Variants in SUGP1 observed in about 807,000 individuals in gnomAD.
SUGP1 encodes SURP and G-patch domain containing 1.
A neutral mutation model predicts 76.5 loss-of-function variants in SUGP1; 34 were observed. The ratio of observed to expected loss-of-function variants is 0.44; its 90% CI spans 0.34 to 0.59. The LOEUF is 0.59. Among genes scored for constraint, SUGP1 ranks in the 20% least tolerant of loss-of-function variants. The pLI is 0.01. For missense variants in SUGP1, 752 were observed against 851.7 expected (o/e 0.88, Z 1.46); for synonymous variants, 326 against 326.2 (o/e 1.00, Z 0.01).
At chr19:19,296,685 G>T (rs2061228428) in intron 8 of SUGP1, among the ~76,000 whole-genome samples, 1 of 151,738 alleles carries the variant, frequency 6.6e-6, no homozygotes, top group African/African-American at 2.4e-5. Context: ...AAAAAAGGCA[G>T]AATTGCAATA....
intron 7 of SUGP1, among the ~76,000 whole-genome samples, chr19:19,300,035 C>G (rs2146612454): frequency 6.6e-6 from 1 of 152,174 alleles, no homozygotes. Flanking sequence ...GCCTCGGCCT[C>G]CCAAAGTGCT....
intron 6 of SUGP1, among the ~76,000 whole-genome samples, chr19:19,303,050 C>T (rs2061284071): frequency 6.6e-6 from 1 of 152,138 alleles, no homozygotes; most frequent in Non-Finnish European, 1.5e-5. Context: ...GCAAAAGCCC[C>T]CTCTACCTAG....
At chr19:19,276,805 G>T (rs60892661) in intron 13 of SUGP1, 131 bp from the exon 14 acceptor site, 27,484 of 1,541,650 alleles carry the variant, frequency 0.018, 942 homozygotes, top group South Asian at 0.11. Context: ...GGGGACGGGT[G>T]GGGGCTTGAA....
At chr19:19,303,561 G>T in intron 5 of SUGP1, 113 bp from the exon 6 acceptor site, 1 of 1,338,092 alleles carries the variant, frequency 7.5e-7, no homozygotes, top group Non-Finnish European at 1.1e-6. Flanking sequence ...GGACCCGAAA[G>T]CAAGTCTCCG....
At chr19:19,309,271 G>A (rs1255638605) in intron 3 of SUGP1, among the ~76,000 whole-genome samples, 1 of 152,082 alleles carries the variant, frequency 6.6e-6, no homozygotes, top group Non-Finnish European at 1.5e-5. Flanking sequence ...GATTGCTTGA[G>A]CTTAGGAGTC....
chr19:19,310,182 G>A lies in SUGP1; in HGVS notation c.225C>T (p.Asn75=). 6.2e-7 allele frequency: 1 copy of A among 1,613,562 alleles called. No homozygotes were observed. Among genetic ancestry groups the A allele is most frequent in the Non-Finnish European group, 8.5e-7 (1 of 1,179,560 alleles). ...CAAACTTGTTGGAAATGCAGGAAGA[G>A]TTGTGTGCATTTGTGATTCTAGAAC... ...PHPGEITNAH[N]SSCISNKFAN... is the part of the protein sequence containing the mutation. Residue 75 remains asparagine, a synonymous_variant, in exon 3 of 14, where the codon AAC becomes AAT. Transcript: ENST00000247001.
intron 7 of SUGP1, among the ~76,000 whole-genome samples, chr19:19,298,503 T>C (rs954595674): frequency 1.3e-5 from 2 of 151,824 alleles, no homozygotes; most frequent in East Asian, 1.9e-4. Context: ...CTCAAAAAAA[T>C]AAGATAAATA....
At chr19:19,299,991 T>C (rs2146612407) in intron 7 of SUGP1, among the ~76,000 whole-genome samples, 1 of 152,038 alleles carries the variant, frequency 6.6e-6, no homozygotes, top group Admixed American at 6.6e-5. Context: ...TTGGTCAGGC[T>C]GTTCTTGAAC....
intron 8 of SUGP1, among the ~76,000 whole-genome samples, chr19:19,281,740 G>T (rs2061100541): frequency 6.6e-6 from 1 of 152,226 alleles, no homozygotes; most frequent in African/African-American, 2.4e-5. Context: ...CACAGTGCAG[G>T]CTGCATAGCT....
chr19:19,318,175 T>C (rs1052927417), intron 1 of SUGP1, among the ~76,000 whole-genome samples: 17 of 134,752 alleles, frequency 1.3e-4, no homozygotes, highest in Non-Finnish European at 3.1e-5. Context: ...TGGAGTGCAA[T>C]GGCGCGATCT....
chr19:19,317,304 G>A (rs1210276514), intron 1 of SUGP1, among the ~76,000 whole-genome samples: 1 of 152,156 alleles, frequency 6.6e-6, no homozygotes, highest in Non-Finnish European at 1.5e-5. Flanking sequence ...CCAGCGTCAT[G>A]AAAAGCCAAA....
intron 8 of SUGP1, among the ~76,000 whole-genome samples, chr19:19,294,663 A>T (rs2061211399): frequency 6.6e-6 from 1 of 152,160 alleles, no homozygotes; most frequent in Non-Finnish European, 1.5e-5. Context: ...ACCACAGAAG[A>T]AAAAATAGAT....
intron 8 of SUGP1, chr19:19,280,974 C>A (rs1448929887): frequency 6.6e-6 from 1 of 152,276 alleles, no homozygotes. Context: ...GCAGCGGGCC[C>A]TCTGGGAAGG....
At chr19:19,279,748 C>CTACA (rs2061083033) in intron 9 of SUGP1, among the ~76,000 whole-genome samples, 1 of 152,224 alleles carries the variant, frequency 6.6e-6, no homozygotes. Flanking sequence ...CCAACACCGA[C>CTACA]ACTGCCCAAC....
chr19:19,294,531 A>C (rs1375586092), intron 8 of SUGP1, among the ~76,000 whole-genome samples: 1 of 144,122 alleles, frequency 6.9e-6, no homozygotes, highest in Non-Finnish European at 1.5e-5. Flanking sequence ...AAAAAAACCC[A>C]AAATAGGCTA....
At chr19:19,287,533 G>A (rs2061150728) in intron 8 of SUGP1, among the ~76,000 whole-genome samples, 2 of 152,180 alleles carry the variant, frequency 1.3e-5, no homozygotes, top group Non-Finnish European at 2.9e-5. Context: ...CTGGACTCTA[G>A]CCTGGGCAAC....
chr19:19,276,569 G>T lies in SUGP1; in HGVS notation c.*79C>A. ...GCACGGCACTCGTGACAACGGAAGG[G>T]GTGGGCAGAAATGCAGGCCGGAACA... On this transcript the variant is annotated 3_prime_UTR_variant, in exon 14 of 14. Coordinates refer to ENST00000247001, the MANE Select transcript of SUGP1 (RefSeq NM_172231.4). 1 of 1,563,264 alleles carries T rather than the reference G, an allele frequency of 6.4e-7. No homozygotes were observed. The highest frequency in any genetic ancestry group is 8.8e-7 in the Non-Finnish European group (1 of 1,135,378).
chr19:19,276,455 A>G lies in SUGP1; in HGVS notation c.*193T>C. 1 of 642,680 alleles carries G rather than the reference A, an allele frequency of 1.6e-6. No homozygotes were observed. Among genetic ancestry groups the G allele is most frequent in the Middle Eastern group, 4.4e-4 (1 of 2,258 alleles). The allele number at this position is 642,680 out of a possible 1,614,324, so 39.8% of individuals were successfully genotyped here. A position where few individuals can be genotyped will look rare whatever the true frequency, so the allele number is the denominator to read the frequency against. Reference sequence around the variant, plus strand: ...AGGCCAATAAGGAGAGCCCCGAGACAGCATCTTGCATCCCGCTGCTAACAG... The same window carrying G: ...AGGCCAATAAGGAGAGCCCCGAGACGGCATCTTGCATCCCGCTGCTAACAG... On this transcript the variant is annotated 3_prime_UTR_variant, in exon 14 of 14. Coordinates refer to ENST00000247001, the MANE Select transcript of SUGP1 (RefSeq NM_172231.4).
At chr19:19,287,604 C>T (rs193154384) in intron 8 of SUGP1, among the ~76,000 whole-genome samples, 12 of 151,998 alleles carry the variant, frequency 7.9e-5, no homozygotes, top group African/African-American at 2.7e-4. Context: ...CTAACAGATA[C>T]CACACTGGAG....
Sources: allele counts gnomAD v4.1 joint callset (sites outside exome capture counted in the v4.1 genomes callset), GRCh38; gene constraint gnomAD v4.1.1; transcripts MANE v1.5; gene names NCBI Gene and HGNC (gene_info 2026-07-23, HGNC 2026-07-21).